Variants in ARID1B observed in about 807,000 individuals in gnomAD.
ARID1B encodes the protein AT-rich interaction domain 1B.
A neutral mutation model predicts 212.3 loss-of-function variants in ARID1B; 30 were observed. That is an observed-to-expected ratio of 0.14 (90% confidence interval 0.11 to 0.19). The LOEUF is 0.19. Ranked by LOEUF, ARID1B falls within the 10% of genes least tolerant of loss-of-function variation. The pLI is 1.00. For missense variants in ARID1B, 2,891 were observed against 3,204.0 expected (o/e 0.90, Z 2.36); for synonymous variants, 1,402 against 1,301.7 (o/e 1.08, Z -1.66).
At chr6:156,781,451 G>A (rs951257238) in intron 1 of ARID1B, among the ~76,000 whole-genome samples, 1 of 152,028 alleles carries the variant, frequency 6.6e-6, no homozygotes, top group Non-Finnish European at 1.5e-5. Context: ...ATCCTAATCT[G>A]TTAGAGAGGA....
rs74870673 is a variant in ARID1B at position 157,101,693 on chromosome 6, C to T, written c.2492-8779C>T. Among the ~76,000 whole-genome samples, 1,417 of 151,806 alleles carry T rather than the reference C, an allele frequency of 9.3e-3. 10 individuals are homozygous for T. Among genetic ancestry groups the T allele is most frequent in the Non-Finnish European group, 0.015 (1,010 of 67,948 alleles). On this transcript the variant is annotated intron_variant, in intron 5 of 19. Coordinates refer to ENST00000636930, the MANE Select transcript of ARID1B (RefSeq NM_001374828.1). The stretch of plus-strand genomic sequence containing the variant: ...ATTCAAGCTATCTCTAATTTACCTG[C>T]GAACTTGTAAGACAAATAAATGTAT...
At chr6:157,126,872 C>T (rs868068276) in intron 6 of ARID1B, among the ~76,000 whole-genome samples, 45 of 152,288 alleles carry the variant, frequency 3.0e-4, no homozygotes, top group African/African-American at 1.1e-3. Context: ...AAAGGTCACA[C>T]CTTTTAAAGA....
chr6:157,084,807 T>G lies in ARID1B; in HGVS notation c.2393T>G (p.Leu798Arg), dbSNP rs779724084. The G allele has an allele frequency of 6.2e-7, 1 of 1,613,910 alleles. No homozygotes were observed. Reference protein sequence around the residue: ...SPFSPHASPHLSSIPGGPSPS... With the variant: ...SPFSPHASPHRSSIPGGPSPS... ...TTCTCCCCACATGCGTCCCCTCATC[T>G]CTCCAGCATCCCGGGGGGCCCATCT... Residue 798 changes from leucine to arginine, a missense_variant, in exon 5 of 20, where the codon CTC becomes CGC. By Grantham distance (102) the Leu-to-Arg change is moderately radical (BLOSUM62 -2). This residue lies in a region of ARID1B where 1,643 missense variants were observed against 1,544.0 expected (regional missense o/e 1.06). Transcript: ENST00000636930.
At chr6:156,993,378 C>T (rs750932087) in intron 4 of ARID1B, among the ~76,000 whole-genome samples, 19 of 152,278 alleles carry the variant, frequency 1.2e-4, no homozygotes, top group African/African-American at 2.4e-4. Flanking sequence ...CTTATTGTAA[C>T]GAAGGATAGG....
intron 2 of ARID1B, among the ~76,000 whole-genome samples, chr6:156,892,043 C>CTTTTTTTTTTTT (rs1047406340): frequency 4.3e-5 from 5 of 115,164 alleles, no homozygotes; most frequent in East Asian, 5.3e-4. Flanking sequence ...AGCGAATTTT[C>CTTTTTTTTTTTT]TTTTTTTTTT....
chr6:157,068,841 T>C (rs1179519859), intron 4 of ARID1B, among the ~76,000 whole-genome samples: 1 of 152,210 alleles, frequency 6.6e-6, no homozygotes. Context: ...TTAATGAATA[T>C]ATCTAGAAGC....
intron 2 of ARID1B, among the ~76,000 whole-genome samples, chr6:156,834,957 G>C (rs1467770724): frequency 6.6e-6 from 1 of 152,154 alleles, no homozygotes; most frequent in Non-Finnish European, 1.5e-5. Context: ...TTTTTGGGCC[G>C]GGCGCGGTGG....
chr6:157,086,353 T>C (rs1380310690), intron 5 of ARID1B, among the ~76,000 whole-genome samples: 1 of 152,238 alleles, frequency 6.6e-6, no homozygotes, highest in African/African-American at 2.4e-5. Flanking sequence ...CCTGGACTTA[T>C]CTGCTGCTTT....
intron 4 of ARID1B, among the ~76,000 whole-genome samples, chr6:156,977,827 G>A (rs550640546): frequency 1.3e-5 from 2 of 152,270 alleles, no homozygotes; most frequent in African/African-American, 2.4e-5. Flanking sequence ...CTGGGACCCA[G>A]GCATATTACT....
At chr6:157,174,793 A>T (rs1791985589) in intron 10 of ARID1B, 54 bp from the exon 11 acceptor site, 1 of 1,382,890 alleles carries the variant, frequency 7.2e-7, no homozygotes, top group Admixed American at 2.6e-5. Flanking sequence ...TGTTATTTTA[A>T]ATAAAGTTTG....
Position 156,934,911 on chromosome 6 carries a change from A to ATT in ARID1B, c.2137-554_2137-553dup, listed in dbSNP as rs201524960. Reference sequence around the variant, plus strand: ...GGTCTCATAATAAATTTAGTTGTTAATTATATATATATATATATATATATA... The same window carrying ATT: ...GGTCTCATAATAAATTTAGTTGTTAATTTTATATATATATATATATATATATA... On this transcript the variant is annotated intron_variant, in intron 3 of 19. Coordinates refer to ENST00000636930, the MANE Select transcript of ARID1B (RefSeq NM_001374828.1). Among the ~76,000 whole-genome samples the ATT allele has an allele frequency of 5.2e-3, 268 of 51,926 alleles. 11 individuals are homozygous for ATT. The highest frequency in any genetic ancestry group is 0.017 in the African/African-American group (213 of 12,694). 34.1% of individuals were successfully genotyped at this position (51,926 alleles called of 152,430 possible).
At chr6:157,054,172 C>T (rs1207614124) in intron 4 of ARID1B, among the ~76,000 whole-genome samples, 1 of 147,544 alleles carries the variant, frequency 6.8e-6, no homozygotes, top group African/African-American at 2.5e-5. Context: ...TGCAGTGAGC[C>T]AAGATTGTGC....
intron 18 of ARID1B, among the ~76,000 whole-genome samples, chr6:157,202,232 T>A (rs1433004508): frequency 6.6e-6 from 1 of 152,226 alleles, no homozygotes; most frequent in South Asian, 2.1e-4. Flanking sequence ...ATCAGAGGTC[T>A]GGACTATCTG....
intron 4 of ARID1B, among the ~76,000 whole-genome samples, chr6:157,050,005 G>A (rs1418168830): frequency 1.3e-5 from 2 of 152,100 alleles, no homozygotes; most frequent in African/African-American, 4.8e-5. Context: ...AACGCCTGTG[G>A]CCTCCAAGGA....
chr6:157,032,627 A>C (rs1781083948), intron 4 of ARID1B, among the ~76,000 whole-genome samples: 1 of 152,206 alleles, frequency 6.6e-6, no homozygotes, highest in Admixed American at 6.5e-5. Context: ...TTGAAAGATA[A>C]GATGTTTATT....
chr6:157,177,931 A>G lies in ARID1B; in HGVS notation c.3504+2926A>G, dbSNP rs188752129. On this transcript the variant is annotated intron_variant, in intron 11 of 19. Transcript: ENST00000636930. The stretch of plus-strand genomic sequence containing the variant: ...AGACCTTTATCCAAAGCCAGCGTCT[A>G]TGAACAAGGACAGTATGTTTGGAGC... Among the ~76,000 whole-genome samples, 10 of 152,326 alleles carry G rather than the reference A, an allele frequency of 6.6e-5. No individual in the cohort carries two copies. The East Asian group carries it at 1.5e-3, about 23-fold the overall frequency.
chr6:156,809,461 T>C (rs530635183), intron 1 of ARID1B, among the ~76,000 whole-genome samples: 1 of 152,358 alleles, frequency 6.6e-6, no homozygotes, highest in Admixed American at 6.5e-5. Context: ...GCTCTTCCAC[T>C]GTTGCAGTGT....
At chr6:157,196,428 C>A (rs572360153) in intron 16 of ARID1B, 113 bp downstream of exon 16, 1 of 1,344,854 alleles carries the variant, frequency 7.4e-7, no homozygotes. Flanking sequence ...ACAGTGTCCC[C>A]TTTCCTGTGA....
At chr6:156,923,287 AT>A (rs913337686) in intron 3 of ARID1B, among the ~76,000 whole-genome samples, 1 of 152,226 alleles carries the variant, frequency 6.6e-6, no homozygotes, top group Non-Finnish European at 1.5e-5. Context: ...ATAACACTGT[AT>A]TTAATCAACA....
Sources: allele counts gnomAD v4.1 joint callset (sites outside exome capture counted in the v4.1 genomes callset), GRCh38; gene constraint gnomAD v4.1.1; regional missense constraint gnomAD v4.1.1; transcripts MANE v1.5; gene names NCBI Gene and HGNC (gene_info 2026-07-23, HGNC 2026-07-21).